PCDHGA1: variants seen among roughly 807,000 people sequenced by gnomAD.
PCDHGA1 encodes the protein protocadherin gamma-A1.
PCDHGA1 carries 32 observed loss-of-function variants against 58.0 expected under a neutral mutation model. That is an observed-to-expected ratio of 0.55 (90% CI 0.42 to 0.74). The LOEUF (loss-of-function observed/expected upper bound fraction) is 0.74. Among genes scored for constraint, PCDHGA1 ranks in the 30% least tolerant of loss-of-function variants. The pLI is 0.00. For synonymous variants in PCDHGA1, 498 were observed against 501.1 expected (o/e 0.99, Z 0.08); for missense variants, 1,205 against 1,182.3 (o/e 1.02, Z -0.28).
chr5:141,491,407 G>A lies in PCDHGA1; in HGVS notation c.2422-3400G>A. ...GAAGTGCCTTCAGGGAAACGCAGAC[G>A]GGGACGGGGGTGGAGGGCAGTGCTG... is the stretch of plus-strand genomic sequence containing the variant. On this transcript the variant is annotated intron_variant, in intron 1 of 3. Transcript: ENST00000517417. The surrounding 1 kb of genome is among the most constrained non-coding windows in gnomAD (Gnocchi z 6.9). The A allele has an allele frequency of 6.2e-7, 1 of 1,614,116 alleles. No individual in the cohort carries two copies. The highest frequency in any genetic ancestry group is 8.5e-7 in the Non-Finnish European group (1 of 1,180,000).
At chr5:141,498,346 C>T (rs780832000) in intron 2 of PCDHGA1, among the ~76,000 whole-genome samples, 1 of 150,796 alleles carries the variant, frequency 6.6e-6, no homozygotes, top group Non-Finnish European at 1.5e-5. Context: ...ATGGGAAAAG[C>T]CTATGCAAAA....
chr5:141,393,937 A>T, intron 1 of PCDHGA1: 1 of 1,613,906 alleles, frequency 6.2e-7, no homozygotes, highest in Non-Finnish European at 8.5e-7. Context: ...CATGACCAAG[A>T]CTCTGGAAAG....
chr5:141,499,731 C>T (rs2099794093), intron 2 of PCDHGA1, among the ~76,000 whole-genome samples: 1 of 138,132 alleles, frequency 7.2e-6, no homozygotes, highest in African/African-American at 2.7e-5. Context: ...GTCTCACTCT[C>T]TTGCCCAGGC....
At chr5:141,434,117 G>T (rs2097672674) in intron 1 of PCDHGA1, among the ~76,000 whole-genome samples, 1 of 152,126 alleles carries the variant, frequency 6.6e-6, no homozygotes, top group African/African-American at 2.4e-5. Context: ...TGGCCTTTGG[G>T]ACTCCCTTTA....
At chr5:141,393,183 A>T in intron 1 of PCDHGA1, 1 of 1,613,370 alleles carries the variant, frequency 6.2e-7, no homozygotes, top group Non-Finnish European at 8.5e-7. Context: ...AATAGAAATA[A>T]TTGATATTAA....
intron 1 of PCDHGA1, chr5:141,346,259 C>T (rs764310422): frequency 1.2e-6 from 2 of 1,614,078 alleles, no homozygotes; most frequent in Admixed American, 1.7e-5. Context: ...ACTTTGTGGG[C>T]GCGGACGGGG....
chr5:141,396,631 A>C lies in PCDHGA1; in HGVS notation c.2421+63526A>C, dbSNP rs1471198116. 7 of 152,348 alleles carry C rather than the reference A, an allele frequency of 4.6e-5. No homozygotes were observed. The South Asian group carries it at 6.2e-4, about 14-fold the overall frequency. 9.4% of individuals were successfully genotyped at this position (152,348 alleles called of 1,614,324 possible). On this transcript the variant is annotated intron_variant, in intron 1 of 3. Transcript: ENST00000517417. ...TGAGACTCCGTCTCAAAAAAAAAAAAAACTAATATTAATAGTAAAAACTCG... is the reference window on the plus strand; with the variant it reads ...TGAGACTCCGTCTCAAAAAAAAAAACAACTAATATTAATAGTAAAAACTCG...
At chr5:141,497,568 C>G (rs1012946741) in intron 2 of PCDHGA1, among the ~76,000 whole-genome samples, 2 of 140,602 alleles carry the variant, frequency 1.4e-5, no homozygotes, top group African/African-American at 5.4e-5. Flanking sequence ...TAGACAGAGT[C>G]TTGCTCTGTT....
intron 1 of PCDHGA1, chr5:141,338,929 G>C: frequency 6.6e-7 from 1 of 1,521,474 alleles, no homozygotes; most frequent in Non-Finnish European, 8.8e-7. Context: ...AATCCGCACT[G>C]GATGCTGGAA....
intron 1 of PCDHGA1, chr5:141,427,310 C>A (rs989300491): frequency 2.2e-5 from 10 of 456,738 alleles, no homozygotes; most frequent in African/African-American, 1.8e-4. Flanking sequence ...ATGACAATGC[C>A]CCAGACGTGG....
At chr5:141,364,904 C>A (rs748515825) in intron 1 of PCDHGA1, 1 of 1,613,994 alleles carries the variant, frequency 6.2e-7, no homozygotes, top group South Asian at 1.1e-5. Flanking sequence ...ACAAAAGTAT[C>A]CGGAGCTGGT....
chr5:141,404,159 A>C, intron 1 of PCDHGA1: 1 of 1,613,114 alleles, frequency 6.2e-7, no homozygotes, highest in South Asian at 1.1e-5. Flanking sequence ...AGATTATTAC[A>C]GATTGTTGAC....
At chr5:141,340,573 G>A (rs146024512) in intron 1 of PCDHGA1, 238 of 1,614,098 alleles carry the variant, frequency 1.5e-4, no homozygotes, top group Non-Finnish European at 2.0e-4. Context: ...GGGTGATAGC[G>A]CGGGACAGCG....
At chr5:141,341,640 C>A in intron 1 of PCDHGA1, 1 of 763,240 alleles carries the variant, frequency 1.3e-6, no homozygotes, top group Non-Finnish European at 2.0e-6. Context: ...ATCCAAAGAG[C>A]ACTGCATTAG....
intron 1 of PCDHGA1, among the ~76,000 whole-genome samples, chr5:141,437,246 C>A (rs897787623): frequency 6.6e-6 from 1 of 152,144 alleles, no homozygotes; most frequent in Non-Finnish European, 1.5e-5. Context: ...CAAGGACTTT[C>A]CTTGTCTTTT....
At chr5:141,385,374 T>A in intron 1 of PCDHGA1, 1 of 1,523,876 alleles carries the variant, frequency 6.6e-7, no homozygotes, top group Non-Finnish European at 8.8e-7. Context: ...TGCATGATAT[T>A]TCTCTATTAT....
At position 141,372,042 on chromosome 5, in the gene PCDHGA1, G is replaced by A. The variant is rs373749332; in HGVS notation, c.2421+38937G>A. The A allele has an allele frequency of 5.0e-6, 8 of 1,613,478 alleles. No individual in the cohort carries two copies. The East Asian group carries it at 1.3e-4, about 27-fold the overall frequency. The stretch of plus-strand genomic sequence containing the variant: ...GCTCAGCGCCAACGTGAGCCTGCGC[G>A]TGTTGGTGGACGACCGCAACGACAA... On this transcript the variant is annotated intron_variant, in intron 1 of 3. Transcript: ENST00000517417.
intron 1 of PCDHGA1, chr5:141,422,145 G>A: frequency 1.3e-6 from 2 of 1,580,726 alleles, no homozygotes; most frequent in Non-Finnish European, 8.6e-7. Context: ...AAGTACGGGG[G>A]TCTCTGGATT....
At chr5:141,482,956 CCAGCTACTTGAG>C (rs6149271) in intron 1 of PCDHGA1, among the ~76,000 whole-genome samples, 62,216 of 151,640 alleles carry the variant, frequency 0.41, 15,336 homozygotes, top group African/African-American at 0.7. Context: ...GCCTGTAATT[CCAGCTACTTGAG>C]CAGCTACTTG....
Sources: allele counts gnomAD v4.1 joint callset (sites outside exome capture counted in the v4.1 genomes callset), GRCh38; gene constraint gnomAD v4.1.1; non-coding constraint Gnocchi (gnomAD v3.1); transcripts MANE v1.5; gene names NCBI Gene and HGNC (gene_info 2026-07-23, HGNC 2026-07-21).